The following IL1RAPL1 variants were observed in gnomAD, a reference collection of about 807,000 sequenced individuals.
The protein encoded by IL1RAPL1 is interleukin-1 receptor accessory protein-like 1.
A neutral mutation model predicts 48.4 loss-of-function variants in IL1RAPL1; 3 were observed. That is an observed-to-expected ratio of 0.06 (90% confidence interval 0.03 to 0.16). IL1RAPL1 has a LOEUF of 0.16. Ranked by LOEUF, IL1RAPL1 falls within the 10% of genes least tolerant of loss-of-function variation. The pLI is 1.00. For missense variants in IL1RAPL1, 349 were observed against 530.6 expected (o/e 0.66, Z 3.36); for synonymous variants, 185 against 187.7 (o/e 0.99, Z 0.12).
chrX:28,636,887 T>C (rs1934471897), intron 1 of IL1RAPL1, among the ~76,000 whole-genome samples: 1 of 111,673 alleles, frequency 9.0e-6, no homozygotes, highest in Admixed American at 9.6e-5. Flanking sequence ...ACTAAGCATA[T>C]GGACACTTTA....
chrX:29,586,536 C>G (rs1160729225), intron 5 of IL1RAPL1, among the ~76,000 whole-genome samples: 1 of 111,317 alleles, frequency 9.0e-6, no homozygotes, highest in East Asian at 2.8e-4. Flanking sequence ...TTTTATGGTT[C>G]CATATGAATT....
chrX:29,869,505 T>C (rs945587680), intron 6 of IL1RAPL1, among the ~76,000 whole-genome samples: 10 of 111,567 alleles, frequency 9.0e-5, no homozygotes, highest in South Asian at 3.8e-4. Context: ...TTGTGAACTA[T>C]GGGCTTCAAC....
intron 5 of IL1RAPL1, among the ~76,000 whole-genome samples, chrX:29,455,672 A>G (rs916537472): frequency 2.7e-5 from 3 of 111,919 alleles, no homozygotes; most frequent in Admixed American, 9.5e-5. Context: ...TAGTTATCCA[A>G]AGTGTTATCA....
At chrX:29,407,284 T>G (rs139701325) in intron 5 of IL1RAPL1, among the ~76,000 whole-genome samples, 27 of 111,476 alleles carry the variant, frequency 2.4e-4, no homozygotes, top group Non-Finnish European at 4.7e-4. Flanking sequence ...TTTGGGGTAT[T>G]TATTTTCTTG....
intron 2 of IL1RAPL1, among the ~76,000 whole-genome samples, chrX:28,890,781 T>C (rs1281257889): frequency 8.0e-5 from 9 of 112,137 alleles, no homozygotes; most frequent in Non-Finnish European, 1.5e-4. Flanking sequence ...CCAAGAACTC[T>C]TGTCTGACAA....
chrX:28,958,023 A>C (rs372890599), intron 2 of IL1RAPL1, among the ~76,000 whole-genome samples: 10 of 111,648 alleles, frequency 9.0e-5, no homozygotes, highest in South Asian at 3.7e-4. Context: ...GTATATATTT[A>C]TTGTGGACAA....
At chrX:28,688,103 CAAAA>C (rs55752146) in intron 1 of IL1RAPL1, among the ~76,000 whole-genome samples, 1 of 49,965 alleles carries the variant, frequency 2.0e-5, no homozygotes, top group African/African-American at 7.8e-5. Context: ...GACTCTGTCT[CAAAA>C]AAAAAAAAAA....
intron 5 of IL1RAPL1, among the ~76,000 whole-genome samples, chrX:29,482,862 C>T: frequency 8.9e-6 from 1 of 111,776 alleles, no homozygotes; most frequent in Admixed American, 9.5e-5. Context: ...CATTTTATTC[C>T]ATCGATTCTG....
intron 6 of IL1RAPL1, among the ~76,000 whole-genome samples, chrX:29,867,569 G>C (rs1931721327): frequency 8.9e-6 from 1 of 111,840 alleles, no homozygotes; most frequent in Admixed American, 9.5e-5. Context: ...CCAGCCTTCA[G>C]AACTTTGAGA....
chrX:29,752,572 T>C (rs1476408651), intron 6 of IL1RAPL1, among the ~76,000 whole-genome samples: 4 of 108,516 alleles, frequency 3.7e-5, no homozygotes, highest in African/African-American at 1.3e-4. Context: ...CTTCCTTAAA[T>C]AGGTAAGATT....
In IL1RAPL1 at chrX:29,659,686, G is replaced by A. The variant is rs769823760; in HGVS notation, c.704-8744G>A. Reference sequence around the variant, plus strand: ...GTTGCCCAGGCTAGAGTGCAATGGCGCGATCTCAGCTCACTGCAACCTCCG... The same window carrying A: ...GTTGCCCAGGCTAGAGTGCAATGGCACGATCTCAGCTCACTGCAACCTCCG... On this transcript the variant is annotated intron_variant, in intron 5 of 10. Coordinates refer to ENST00000378993, the MANE Select transcript of IL1RAPL1 (RefSeq NM_014271.4). Among the ~76,000 whole-genome samples, 9 of 111,625 alleles carry A rather than the reference G, an allele frequency of 8.1e-5. No individual in the cohort carries two copies. The South Asian group carries it at 1.1e-3, about 14-fold the overall frequency.
intron 1 of IL1RAPL1, among the ~76,000 whole-genome samples, chrX:28,620,769 A>G (rs928113284): frequency 2.7e-5 from 3 of 112,169 alleles, no homozygotes; most frequent in African/African-American, 9.7e-5. Context: ...AAATTCCCAT[A>G]TGAAAAGAGT....
intron 6 of IL1RAPL1, among the ~76,000 whole-genome samples, chrX:29,848,718 G>A (rs753616200): frequency 8.9e-6 from 1 of 111,838 alleles, no homozygotes; most frequent in African/African-American, 3.2e-5. Flanking sequence ...AGAGAGCTGA[G>A]CTCTGGTCTG....
intron 5 of IL1RAPL1, among the ~76,000 whole-genome samples, chrX:29,612,264 A>G (rs753444398): frequency 7.2e-5 from 8 of 110,806 alleles, no homozygotes; most frequent in African/African-American, 1.6e-4. Flanking sequence ...TTTTAAGTCA[A>G]TGGACCCTTT....
chrX:28,793,805 G>A (rs1200225940), intron 2 of IL1RAPL1, among the ~76,000 whole-genome samples: 4 of 110,880 alleles, frequency 3.6e-5, no homozygotes, highest in Admixed American at 1.9e-4. Flanking sequence ...GTAGAAATTA[G>A]GTAAGAGAAG....
chrX:29,859,693 T>A (rs1191125503), intron 6 of IL1RAPL1, among the ~76,000 whole-genome samples: 2 of 112,346 alleles, frequency 1.8e-5, no homozygotes, highest in African/African-American at 6.5e-5. Context: ...TGAACAATAT[T>A]TCTAGAAGAG....
intron 5 of IL1RAPL1, among the ~76,000 whole-genome samples, chrX:29,416,096 G>T (rs1406535054): frequency 9.0e-6 from 1 of 111,555 alleles, no homozygotes; most frequent in Non-Finnish European, 1.9e-5. Context: ...TATACTTAAT[G>T]GGGTCTCAGA....
chrX:29,025,542 A>G (rs192448472), intron 2 of IL1RAPL1, among the ~76,000 whole-genome samples: 26 of 111,680 alleles, frequency 2.3e-4, no homozygotes, highest in African/African-American at 8.4e-4. Flanking sequence ...TTAACTTGAC[A>G]TGCATTATTT....
chrX:29,092,500 A>G (rs900925017), intron 2 of IL1RAPL1, among the ~76,000 whole-genome samples: 2 of 111,671 alleles, frequency 1.8e-5, no homozygotes, highest in African/African-American at 6.5e-5. Context: ...CCTTAAGTTG[A>G]CTCTCATTTT....
Sources: allele counts gnomAD v4.1 joint callset (sites outside exome capture counted in the v4.1 genomes callset), GRCh38; gene constraint gnomAD v4.1.1; transcripts MANE v1.5; gene names NCBI Gene and HGNC (gene_info 2026-07-23, HGNC 2026-07-21).